WDR7: variants seen among roughly 807,000 people sequenced by gnomAD.
WDR7 encodes WD repeat-containing protein 7.
Under a neutral mutation model 169.4 loss-of-function variants are expected in WDR7, and 46 were observed. The ratio of observed to expected loss-of-function variants is 0.27; its 90% CI spans 0.21 to 0.35. WDR7 has a LOEUF of 0.35. Among genes scored for constraint, WDR7 ranks in the 10% least tolerant of loss-of-function variants. The probability of loss-of-function intolerance (pLI) is 1.00; values close to 1 mark genes in which losing one functional copy is unlikely to be tolerated. For missense variants in WDR7, 1,534 were observed against 1,859.3 expected, an observed-to-expected ratio of 0.83 and a Z score of 3.22; for synonymous variants, 612 against 666.8, an observed-to-expected ratio of 0.92 and a Z score of 1.27.
At chr18:56,864,929 C>T (rs541528904) in intron 20 of WDR7, among the ~76,000 whole-genome samples, 8 of 151,922 alleles carry the variant, frequency 5.3e-5, no homozygotes, top group African/African-American at 1.9e-4. Flanking sequence ...ATAGATTAAC[C>T]AGGAAAGAGT....
chr18:56,803,290 G>A (rs1362744295), intron 19 of WDR7, among the ~76,000 whole-genome samples: 2 of 152,124 alleles, frequency 1.3e-5, no homozygotes, highest in Non-Finnish European at 2.9e-5. Flanking sequence ...TGTGTCATCT[G>A]CTAGCACAAT....
At chr18:56,974,046 G>A (rs143305267) in intron 26 of WDR7, among the ~76,000 whole-genome samples, 2,865 of 152,224 alleles carry the variant, frequency 0.019, 47 homozygotes, top group Middle Eastern at 0.034. Flanking sequence ...TGTAGTTCTG[G>A]AACATTTTTC....
At chr18:56,852,285 A>T (rs1341086599) in intron 20 of WDR7, among the ~76,000 whole-genome samples, 1 of 152,194 alleles carries the variant, frequency 6.6e-6, no homozygotes, top group Non-Finnish European at 1.5e-5. Context: ...AGTTGTTGAG[A>T]AAGGAAGCCA....
At chr18:56,926,497 A>C (rs1049242602) in intron 22 of WDR7, among the ~76,000 whole-genome samples, 8 of 152,276 alleles carry the variant, frequency 5.3e-5, no homozygotes, top group Admixed American at 5.2e-4. Flanking sequence ...GCTTTTATTC[A>C]GGGTTAGTAT....
At chr18:56,730,170 C>A (rs981609274) in intron 13 of WDR7, among the ~76,000 whole-genome samples, 1 of 152,208 alleles carries the variant, frequency 6.6e-6, no homozygotes, top group African/African-American at 2.4e-5. Context: ...GTGAACAAAA[C>A]ATCTGAAACT....
At chr18:57,021,870 T>C (rs1037268547) in intron 27 of WDR7, among the ~76,000 whole-genome samples, 6 of 152,200 alleles carry the variant, frequency 3.9e-5, no homozygotes, top group African/African-American at 1.2e-4. Flanking sequence ...AACTGGGTGA[T>C]AGTTGGAAAA....
intron 21 of WDR7, among the ~76,000 whole-genome samples, chr18:56,911,959 C>T (rs1343949533): frequency 2.6e-5 from 4 of 152,120 alleles, no homozygotes; most frequent in Admixed American, 6.6e-5. Context: ...TACATTAGCG[C>T]GAATGGATAA....
At chr18:56,686,293 G>A (rs138187091) in intron 6 of WDR7, among the ~76,000 whole-genome samples, 86 of 151,956 alleles carry the variant, frequency 5.7e-4, no homozygotes, top group African/African-American at 1.8e-3. Flanking sequence ...GAGGAGAAAC[G>A]TAAAAGAGGT....
At chr18:56,881,136 T>G (rs1287151534) in intron 21 of WDR7, among the ~76,000 whole-genome samples, 1 of 152,238 alleles carries the variant, frequency 6.6e-6, no homozygotes, top group Non-Finnish European at 1.5e-5. Flanking sequence ...GAGGGCCATG[T>G]TAGTGACTTT....
At position 56,762,555 on chromosome 18, in the gene WDR7, A is replaced by G. The variant is rs2043994855; in HGVS notation, c.2848+3602A>G. ...AAATTTTCAAATATATTGACATTTG[A>G]GATTATAATATTGTCTTTTAATCTC... On this transcript the variant is annotated intron_variant, in intron 16 of 27. Transcript: ENST00000254442. Among the ~76,000 whole-genome samples, 4 of 152,036 alleles carry G rather than the reference A, an allele frequency of 2.6e-5. 1 individual carries two copies. The highest frequency in any genetic ancestry group is 1.3e-4 in the Admixed American group (2 of 15,276).
At chr18:57,026,901 C>G in intron 27 of WDR7, 103 bp from the exon 28 acceptor site, 1 of 1,212,160 alleles carries the variant, frequency 8.2e-7, no homozygotes, top group Non-Finnish European at 1.2e-6. Context: ...AGGAGAATAA[C>G]CATGATGGAG....
intron 25 of WDR7, among the ~76,000 whole-genome samples, chr18:56,959,163 T>C (rs1476118442): frequency 6.6e-6 from 1 of 151,968 alleles, no homozygotes; most frequent in Non-Finnish European, 1.5e-5. Flanking sequence ...AACAGGCTGA[T>C]GAGATTTTCA....
intron 1 of WDR7, among the ~76,000 whole-genome samples, chr18:56,666,540 T>G (rs2025028961): frequency 6.6e-6 from 1 of 152,104 alleles, no homozygotes; most frequent in South Asian, 2.1e-4. Context: ...GCCCATATTC[T>G]CTTTCCTCTC....
downstream of WDR7, chr18:57,034,503 G>C (rs915413425): frequency 1.3e-5 from 2 of 152,204 alleles, no homozygotes; most frequent in Non-Finnish European, 2.9e-5. Context: ...TTTGGGAGCT[G>C]AGCCACCCAT....
intron 21 of WDR7, among the ~76,000 whole-genome samples, chr18:56,916,304 TC>T (rs2046624892): frequency 6.6e-6 from 1 of 150,862 alleles, no homozygotes; most frequent in Admixed American, 6.6e-5. Flanking sequence ...TGTGTGATGT[TC>T]CCCTTCCTGT....
At chr18:56,916,893 C>T (rs1270001994) in intron 21 of WDR7, among the ~76,000 whole-genome samples, 1 of 152,122 alleles carries the variant, frequency 6.6e-6, no homozygotes, top group East Asian at 1.9e-4. Flanking sequence ...GAAACCCCCT[C>T]TCTACTAAAG....
intron 16 of WDR7, among the ~76,000 whole-genome samples, chr18:56,769,342 G>A (rs2044117371): frequency 6.6e-6 from 1 of 151,932 alleles, no homozygotes; most frequent in South Asian, 2.1e-4. Context: ...TGGGACTATA[G>A]TCAAAGGCCA....
Position 56,923,902 on chromosome 18 carries a change from A to G in WDR7, c.3527-20A>G, listed in dbSNP as rs749494170. On this transcript the variant is annotated intron_variant, in intron 21 of 27. Coordinates refer to ENST00000254442, the MANE Select transcript of WDR7 (RefSeq NM_015285.3). ...AAGTAAAATTCCCCTTTTGCTCTGC[A>G]TTTTATTCTATAATTTCAGGCAAGG... 8 of 1,517,006 alleles carry G rather than the reference A, an allele frequency of 5.3e-6. No individual in the cohort carries two copies. The highest frequency in any genetic ancestry group is 1.3e-5 in the South Asian group (1 of 74,484). 94.0% of individuals were successfully genotyped at this position (1,517,006 alleles called of 1,614,324 possible). A position where few individuals can be genotyped will look rare whatever the true frequency, so the allele number is the denominator to read the frequency against.
intron 26 of WDR7, among the ~76,000 whole-genome samples, chr18:56,991,347 G>A (rs566253521): frequency 7.9e-5 from 12 of 152,072 alleles, no homozygotes; most frequent in Admixed American, 3.3e-4. Flanking sequence ...GGGTTTCACC[G>A]TGTTAGCCAG....
Sources: gnomAD v4.1 joint callset for allele counts (sites outside exome capture counted in the v4.1 genomes callset) on GRCh38, gnomAD v4.1.1 for gene constraint, MANE v1.5 for transcripts, NCBI Gene and HGNC (gene_info 2026-07-23, HGNC 2026-07-21) for gene names.